NT5C2: variants seen among roughly 807,000 people sequenced by gnomAD.
NT5C2 encodes cytosolic purine 5'-nucleotidase.
NT5C2 carries 58 observed loss-of-function variants against 76.1 expected under a neutral mutation model. The observed-to-expected ratio is 0.76, with a 90% CI of 0.62 to 0.95. The LOEUF (loss-of-function observed/expected upper bound fraction) is 0.95, where lower values mean the gene tolerates loss of function less well. NT5C2 is among the 40% of genes least tolerant of loss of function. The probability of loss-of-function intolerance (pLI) is 0.00; values close to 1 mark genes in which losing one functional copy is unlikely to be tolerated. For synonymous variants in NT5C2, 229 were observed against 237.4 expected (o/e 0.96, Z 0.32); for missense variants, 478 against 690.3 (o/e 0.69, Z 3.45).
intron 16 of NT5C2, 30 bp downstream of exon 16, chr10:103,091,531 AGTT>A (rs1564907777): frequency 6.5e-7 from 1 of 1,536,202 alleles, no homozygotes; most frequent in Non-Finnish European, 9.0e-7. Context: ...TTCCTGAGTA[AGTT>A]TTTGGGAAAG....
At chr10:103,153,294 T>G in intron 3 of NT5C2, 4 of 1,280,972 alleles carry the variant, frequency 3.1e-6, no homozygotes, top group Non-Finnish European at 4.1e-6. Flanking sequence ...CACTTACCCT[T>G]CCTTAGACAT....
chr10:103,132,635 T>C (rs2078420695), intron 4 of NT5C2, among the ~76,000 whole-genome samples: 1 of 152,100 alleles, frequency 6.6e-6, no homozygotes, highest in Non-Finnish European at 1.5e-5. Flanking sequence ...AAGCTCTGCA[T>C]CCCAGGTTCA....
intron 4 of NT5C2, among the ~76,000 whole-genome samples, chr10:103,121,756 C>A (rs1362591465): frequency 6.6e-6 from 1 of 152,030 alleles, no homozygotes; most frequent in Admixed American, 6.6e-5. Flanking sequence ...GGGATAACTC[C>A]CCAGAGGCTA....
At chr10:103,097,459 A>G in intron 10 of NT5C2, 85 bp from the exon 11 acceptor site, 3 of 1,172,750 alleles carry the variant, frequency 2.6e-6, no homozygotes, top group Admixed American at 3.6e-5. Context: ...ATTTCTGTCC[A>G]CAACAGGAAT....
chr10:103,108,048 G>A (rs937515925), intron 4 of NT5C2, among the ~76,000 whole-genome samples: 2 of 151,800 alleles, frequency 1.3e-5, no homozygotes, highest in Admixed American at 6.6e-5. Context: ...CCAGCTACTC[G>A]GGAGGGTGAG....
intron 4 of NT5C2, among the ~76,000 whole-genome samples, chr10:103,113,148 T>C (rs2073470783): frequency 6.6e-6 from 1 of 152,174 alleles, no homozygotes; most frequent in Non-Finnish European, 1.5e-5. Context: ...ATACTTTTAG[T>C]AATACAAAGT....
At chr10:103,123,146 T>C (rs921983490) in intron 4 of NT5C2, among the ~76,000 whole-genome samples, 1 of 152,126 alleles carries the variant, frequency 6.6e-6, no homozygotes, top group Non-Finnish European at 1.5e-5. Flanking sequence ...GACTTTTTGT[T>C]TGAGACAGGG....
At chr10:103,098,042 CT>C (rs2068632879) in intron 10 of NT5C2, 1 of 528,156 alleles carries the variant, frequency 1.9e-6, no homozygotes, top group Non-Finnish European at 3.9e-6. Flanking sequence ...AACAAGAAAT[CT>C]TTACCACAGT....
In NT5C2 at chr10:103,103,032, T is replaced by G. The variant is rs184220901; in HGVS notation, c.390-1706A>C. 1.7e-3 allele frequency among the ~76,000 whole-genome samples: 264 copies of G among 152,248 alleles called. 2 individuals carry two copies. Among genetic ancestry groups the G allele is most frequent in the African/African-American group, 5.9e-3 (247 of 41,552 alleles). Reference sequence around the variant, plus strand: ...AAAAAGCCAGTGAAGCAGAATTTGTTAAAGATGCAAAAACACTTCTAGAAG... The same window carrying G: ...AAAAAGCCAGTGAAGCAGAATTTGTGAAAGATGCAAAAACACTTCTAGAAG... On this transcript the variant is annotated intron_variant, in intron 6 of 18. Coordinates refer to ENST00000404739, the MANE Select transcript of NT5C2 (RefSeq NM_001351169.2).
At chr10:103,175,845 C>T (rs1318596821) in intron 2 of NT5C2, 1 of 165,058 alleles carries the variant, frequency 6.1e-6, no homozygotes, top group Non-Finnish European at 1.3e-5. Flanking sequence ...GGCTGCTCTT[C>T]CACAAAAATT....
intron 3 of NT5C2, among the ~76,000 whole-genome samples, chr10:103,141,264 C>G (rs569164040): frequency 6.6e-6 from 1 of 152,130 alleles, no homozygotes; most frequent in Admixed American, 6.5e-5. Flanking sequence ...CTAGACCAGC[C>G]TAGGTTAACA....
chr10:103,187,551 TAAAAAAA>T (rs769511019), intron 1 of NT5C2, among the ~76,000 whole-genome samples: 1 of 85,768 alleles, frequency 1.2e-5, no homozygotes, highest in African/African-American at 4.4e-5. Flanking sequence ...GAATCCATCT[TAAAAAAA>T]AAAAAAAAAA....
chr10:103,147,734 T>C (rs1377260478), intron 3 of NT5C2, among the ~76,000 whole-genome samples: 1 of 152,214 alleles, frequency 6.6e-6, no homozygotes, highest in East Asian at 1.9e-4. Flanking sequence ...GGCCTTGTAA[T>C]AGCAGACACA....
intron 4 of NT5C2, among the ~76,000 whole-genome samples, chr10:103,126,691 A>C (rs2076728009): frequency 6.6e-6 from 1 of 152,250 alleles, no homozygotes; most frequent in African/African-American, 2.4e-5. Flanking sequence ...CATATGATTC[A>C]GTACTATCTA....
intron 1 of NT5C2, among the ~76,000 whole-genome samples, chr10:103,182,618 G>C (rs2091277477): frequency 6.6e-6 from 1 of 151,526 alleles, no homozygotes; most frequent in Non-Finnish European, 1.5e-5. Flanking sequence ...CTGGGTGACA[G>C]AGCAAGACTC....
chr10:103,126,905 G>A (rs2076775156), intron 4 of NT5C2, among the ~76,000 whole-genome samples: 1 of 152,052 alleles, frequency 6.6e-6, no homozygotes, highest in Non-Finnish European at 1.5e-5. Context: ...TCAAACTCCT[G>A]GGCTCAAGTG....
At chr10:103,103,558 A>C (rs577579699) in intron 6 of NT5C2, among the ~76,000 whole-genome samples, 1 of 152,198 alleles carries the variant, frequency 6.6e-6, no homozygotes, top group Non-Finnish European at 1.5e-5. Flanking sequence ...TACATTGTAA[A>C]CTTCAGTGTC....
intron 4 of NT5C2, among the ~76,000 whole-genome samples, chr10:103,124,649 TCCC>T (rs989274581): frequency 4.6e-5 from 7 of 151,366 alleles, no homozygotes; most frequent in Non-Finnish European, 1.0e-4. Flanking sequence ...ACACCGCCCC[TCCC>T]CCCACCTTTT....
Position 103,089,430 on chromosome 10 carries a change from T to C in NT5C2, c.*242A>G. The C allele has an allele frequency of 2.1e-6, 1 of 486,150 alleles. No homozygotes were observed. The allele number at this position is 486,150 out of a possible 1,614,324, so 30.1% of individuals were successfully genotyped here. A position where few individuals can be genotyped will look rare whatever the true frequency, so the allele number is the denominator to read the frequency against. On this transcript the variant is annotated 3_prime_UTR_variant, in exon 19 of 19. Coordinates refer to ENST00000404739, the MANE Select transcript of NT5C2 (RefSeq NM_001351169.2). ...GGAGCCATATACATGCAGTTCAGCC[T>C]GATTTTACCCTTATTTTCTTCTAAT...
Sources: gnomAD v4.1 joint callset for allele counts (sites outside exome capture counted in the v4.1 genomes callset) on GRCh38, gnomAD v4.1.1 for gene constraint, MANE v1.5 for transcripts, NCBI Gene and HGNC (gene_info 2026-07-23, HGNC 2026-07-21) for gene names.